Variants in KCNJ1 observed in about 807,000 individuals in gnomAD.
The protein encoded by KCNJ1 is ATP-sensitive inward rectifier potassium channel 1.
KCNJ1 carries 24 observed loss-of-function variants against 21.9 expected under a neutral mutation model. The ratio of observed to expected loss-of-function variants is 1.10; its 90% CI spans 0.79 to 1.54. The LOEUF (loss-of-function observed/expected upper bound fraction) is 1.54. KCNJ1 is among the 40% of genes most tolerant of loss of function. KCNJ1 has a pLI of 0.00. For missense variants in KCNJ1, 457 were observed against 455.4 expected, an observed-to-expected ratio of 1.00 and a Z score of -0.03; for synonymous variants, 152 against 160.9, an observed-to-expected ratio of 0.94 and a Z score of 0.42.
rs1175132953 is a variant in KCNJ1 at position 128,839,747 on chromosome 11, G to A, written c.497C>T (p.Pro166Leu). ...CGAILAKISRPKKRAKTITFS... is the reference protein window; with the variant it reads ...CGAILAKISRLKKRAKTITFS... ...CGTAATGGTCTTGGCACGTTTTTTG[G>A]GCCTGGAGATCTTGGCTAAGATGGC... Residue 166 changes from proline (P) to leucine (L), a missense_variant, in exon 3 of 3, where the codon CCC (proline) becomes CTC (leucine). Pro to Leu is a moderately conservative substitution (Grantham distance 98, BLOSUM62 -3). Coordinates refer to ENST00000392666, the MANE Select transcript of KCNJ1 (RefSeq NM_153766.3). 6.8e-6 allele frequency: 11 copies of A among 1,613,584 alleles called. No homozygotes were observed. Among genetic ancestry groups the A allele is most frequent in the Non-Finnish European group, 6.8e-6 (8 of 1,179,966 alleles).
intron 2 of KCNJ1, among the ~76,000 whole-genome samples, chr11:128,845,284 G>A (rs1307888480): frequency 6.6e-6 from 1 of 152,244 alleles, no homozygotes; most frequent in Non-Finnish European, 1.5e-5. Flanking sequence ...TTCAAGAATT[G>A]TAATGTGGCA....
chr11:128,862,191 AAGGAGC>A (rs1356029999), intron 1 of KCNJ1, among the ~76,000 whole-genome samples: 1 of 152,174 alleles, frequency 6.6e-6, no homozygotes, highest in African/African-American at 2.4e-5. Context: ...CACCCAGCCA[AAGGAGC>A]AGGTGTATCA....
intron 2 of KCNJ1, among the ~76,000 whole-genome samples, chr11:128,850,025 A>G (rs535370122): frequency 6.6e-6 from 1 of 152,282 alleles, no homozygotes; most frequent in East Asian, 1.9e-4. Flanking sequence ...GGTCATGTCC[A>G]GGAAGCAGAC....
intron 1 of KCNJ1, among the ~76,000 whole-genome samples, chr11:128,855,972 G>T (rs1050492525): frequency 6.6e-6 from 1 of 152,236 alleles, no homozygotes; most frequent in African/African-American, 2.4e-5. Flanking sequence ...CAGGAAGGAT[G>T]CATAGTCCTG....
intron 1 of KCNJ1, among the ~76,000 whole-genome samples, chr11:128,852,715 C>A (rs2135952135): frequency 6.6e-6 from 1 of 152,392 alleles, no homozygotes; most frequent in Non-Finnish European, 1.5e-5. Flanking sequence ...GCACAGCCCA[C>A]CCAGGAGCCC....
At chr11:128,862,317 G>A (rs1425523871) in intron 1 of KCNJ1, among the ~76,000 whole-genome samples, 1 of 152,156 alleles carries the variant, frequency 6.6e-6, no homozygotes, top group Non-Finnish European at 1.5e-5. Context: ...CATTGCCCAG[G>A]CTGGGTGTGA....
chr11:128,855,447 A>AC (rs986766981), intron 1 of KCNJ1, among the ~76,000 whole-genome samples: 1 of 152,184 alleles, frequency 6.6e-6, no homozygotes, highest in East Asian at 1.9e-4. Flanking sequence ...GCTCCCTGGC[A>AC]CCCAGAGGGT....
intron 1 of KCNJ1, among the ~76,000 whole-genome samples, chr11:128,855,507 G>A (rs1943572199): frequency 2.0e-5 from 3 of 152,368 alleles, no homozygotes; most frequent in Middle Eastern, 3.4e-3. Flanking sequence ...TTATTGCAAA[G>A]AGGCAGCAAA....
chr11:128,865,949 G>A (rs1943808792), intron 1 of KCNJ1, among the ~76,000 whole-genome samples: 2 of 152,104 alleles, frequency 1.3e-5, no homozygotes, highest in South Asian at 4.1e-4. Context: ...TTCTTTACAA[G>A]GGCAGTCTTG....
At chr11:128,851,071 A>G (rs1565526981) in intron 1 of KCNJ1, among the ~76,000 whole-genome samples, 181 bp from the exon 2 acceptor site, 2 of 152,184 alleles carry the variant, frequency 1.3e-5, no homozygotes, top group East Asian at 3.8e-4. Flanking sequence ...TCAAACCTCT[A>G]CCACACACTG....
chr11:128,846,355 A>G (rs910756499), intron 2 of KCNJ1, among the ~76,000 whole-genome samples: 22 of 152,356 alleles, frequency 1.4e-4, no homozygotes, highest in African/African-American at 5.3e-4. Flanking sequence ...TGCAATAAAT[A>G]GCTACAATTA....
At chr11:128,861,751 A>G (rs549263576) in intron 1 of KCNJ1, among the ~76,000 whole-genome samples, 172 of 152,202 alleles carry the variant, frequency 1.1e-3, no homozygotes, top group African/African-American at 4.0e-3. Flanking sequence ...AGATAGATGC[A>G]GGCTCCGTGT....
At chr11:128,841,394 T>A (rs969516742) in intron 2 of KCNJ1, among the ~76,000 whole-genome samples, 1 of 152,186 alleles carries the variant, frequency 6.6e-6, no homozygotes, top group Non-Finnish European at 1.5e-5. Flanking sequence ...ATTTGCTCAA[T>A]TGATTTTTTA....
intron 2 of KCNJ1, among the ~76,000 whole-genome samples, chr11:128,844,845 G>GAA (rs550720369): frequency 1.3e-4 from 18 of 142,312 alleles, no homozygotes; most frequent in African/African-American, 4.3e-4. Context: ...TATAGAAATG[G>GAA]AAAAAAAAAA....
At chr11:128,859,723 C>T (rs1224720190) in intron 1 of KCNJ1, among the ~76,000 whole-genome samples, 1 of 152,218 alleles carries the variant, frequency 6.6e-6, no homozygotes, top group African/African-American at 2.4e-5. Context: ...CTAGCCCTCC[C>T]GTCTGCGTCT....
intron 2 of KCNJ1, among the ~76,000 whole-genome samples, chr11:128,844,881 G>T (rs571861675): frequency 6.6e-6 from 1 of 152,156 alleles, no homozygotes; most frequent in Non-Finnish European, 1.5e-5. Flanking sequence ...CTGCCTTTCA[G>T]CCAAACCTCT....
chr11:128,848,809 G>A (rs1048635130), intron 2 of KCNJ1, among the ~76,000 whole-genome samples: 3 of 152,172 alleles, frequency 2.0e-5, no homozygotes, highest in African/African-American at 7.2e-5. Context: ...TGCTTTATTG[G>A]ATATAAGTGG....
chr11:128,861,686 A>G (rs935368583), intron 1 of KCNJ1, among the ~76,000 whole-genome samples: 1 of 152,042 alleles, frequency 6.6e-6, no homozygotes, highest in Non-Finnish European at 1.5e-5. Context: ...ATTTCCAAAA[A>G]CACCAGCCCC....
At chr11:128,845,702 G>C (rs1457019316) in intron 2 of KCNJ1, among the ~76,000 whole-genome samples, 1 of 152,204 alleles carries the variant, frequency 6.6e-6, no homozygotes, top group East Asian at 1.9e-4. Flanking sequence ...ACTTGGCAAG[G>C]CTGGTAGAAA....
Sources: gnomAD v4.1 joint callset for allele counts (sites outside exome capture counted in the v4.1 genomes callset) on GRCh38, gnomAD v4.1.1 for gene constraint, MANE v1.5 for transcripts, NCBI Gene and HGNC (gene_info 2026-07-23, HGNC 2026-07-21) for gene names.